GTF2F2: variants seen among roughly 807,000 people sequenced by gnomAD.
The protein encoded by GTF2F2 is general transcription factor IIF subunit 2, also known as ATP-dependent helicase GTF2F2.
A neutral mutation model predicts 42.2 loss-of-function variants in GTF2F2; 23 were observed. The ratio of observed to expected loss-of-function variants is 0.55; its 90% CI spans 0.39 to 0.77. The LOEUF is 0.77. GTF2F2 is among the 30% of genes least tolerant of loss of function. GTF2F2 has a pLI of 0.00. For missense variants in GTF2F2, 261 were observed against 287.2 expected (o/e 0.91, Z 0.66); for synonymous variants, 105 against 100.8 (o/e 1.04, Z -0.25).
rs1349018022 is a variant in GTF2F2, at chr13:45,151,832, G to T, written c.304+1G>T. 7.0e-7 allele frequency: 1 copy of T among 1,424,962 alleles called. No homozygotes were observed. Among genetic ancestry groups the T allele is most frequent in the Non-Finnish European group, 9.4e-7 (1 of 1,063,776 alleles). 88.3% of individuals were successfully genotyped at this position (1,424,962 alleles called of 1,614,324 possible). On this transcript the variant is annotated splice_donor_variant, in intron 4 of 7. Transcript: ENST00000340473. LOFTEE classifies it high-confidence loss of function. ...ACAGTATTTACTGAGAGCTCATCAG[G>T]TAAGTGGGAATGGAATTATTTAATG...
intron 5 of GTF2F2, among the ~76,000 whole-genome samples, chr13:45,224,703 G>A (rs1055137732): frequency 2.7e-4 from 41 of 152,270 alleles, no homozygotes; most frequent in African/African-American, 9.9e-4. Context: ...CTTTCCAAGT[G>A]TTTTGCTGTG....
intron 4 of GTF2F2, among the ~76,000 whole-genome samples, chr13:45,201,946 T>C (rs115788022): frequency 0.011 from 1,624 of 152,144 alleles, 35 homozygotes; most frequent in African/African-American, 0.037. Context: ...AGCCCCTTAG[T>C]TGAACATTTC....
At chr13:45,153,176 A>ATT (rs563596862) in intron 4 of GTF2F2, among the ~76,000 whole-genome samples, 1 of 141,692 alleles carries the variant, frequency 7.1e-6, no homozygotes, top group Non-Finnish European at 1.6e-5. Flanking sequence ...TGCCCGGCTA[A>ATT]TTTTTTTTTT....
intron 6 of GTF2F2, among the ~76,000 whole-genome samples, chr13:45,261,330 G>A (rs548051237): frequency 1.3e-5 from 2 of 151,062 alleles, no homozygotes; most frequent in African/African-American, 2.4e-5. Flanking sequence ...GGAGGCTGAG[G>A]CAGGAGAATC....
intron 5 of GTF2F2, among the ~76,000 whole-genome samples, chr13:45,211,839 G>A (rs1378893032): frequency 3.3e-5 from 5 of 152,010 alleles, no homozygotes; most frequent in African/African-American, 7.3e-5. Flanking sequence ...GCCCACCTCG[G>A]CCTCCCAAAG....
chr13:45,170,903 G>A (rs527873572), intron 4 of GTF2F2, among the ~76,000 whole-genome samples: 1 of 152,018 alleles, frequency 6.6e-6, no homozygotes, highest in Admixed American at 6.6e-5. Flanking sequence ...ATACTGGGAG[G>A]GTAGCAGAGA....
intron 5 of GTF2F2, among the ~76,000 whole-genome samples, chr13:45,241,024 G>A (rs1875273444): frequency 1.3e-5 from 2 of 150,348 alleles, no homozygotes; most frequent in Admixed American, 6.6e-5. Flanking sequence ...GTGGTGGCAT[G>A]CATCTTTTAT....
At chr13:45,172,161 C>T (rs1871629420) in intron 4 of GTF2F2, among the ~76,000 whole-genome samples, 1 of 152,138 alleles carries the variant, frequency 6.6e-6, no homozygotes, top group Admixed American at 6.6e-5. Flanking sequence ...CACCACATCC[C>T]CACCAACACT....
chr13:45,270,537 A>G lies in GTF2F2; in HGVS notation c.630+3161A>G, dbSNP rs976686135. On this transcript the variant is annotated intron_variant, in intron 7 of 7. Coordinates refer to ENST00000340473, the MANE Select transcript of GTF2F2 (RefSeq NM_004128.3). ...TTATAAAGCCACCAATTTCACTCCC[A>G]TGATAACCCATTAATCTATGAATGG... Among the ~76,000 whole-genome samples the G allele has an allele frequency of 1.4e-4, 21 of 152,244 alleles. No individual in the cohort carries two copies. The Middle Eastern group carries it at 0.01, about 74-fold the overall frequency.
At chr13:45,177,520 C>A (rs1871940997) in intron 4 of GTF2F2, among the ~76,000 whole-genome samples, 1 of 152,150 alleles carries the variant, frequency 6.6e-6, no homozygotes, top group South Asian at 2.1e-4. Flanking sequence ...CATACCCATG[C>A]TGTATATGCT....
intron 7 of GTF2F2, among the ~76,000 whole-genome samples, chr13:45,278,188 G>A (rs968661027): frequency 6.6e-6 from 1 of 152,200 alleles, no homozygotes; most frequent in African/African-American, 2.4e-5. Context: ...ATAGGCTACT[G>A]TGCCTTATGA....
intron 4 of GTF2F2, among the ~76,000 whole-genome samples, chr13:45,206,063 T>G (rs1032964223): frequency 6.6e-6 from 1 of 152,236 alleles, no homozygotes; most frequent in African/African-American, 2.4e-5. Context: ...GAATTTAAAC[T>G]TTATTATAAA....
intron 7 of GTF2F2, among the ~76,000 whole-genome samples, chr13:45,270,966 A>G (rs1056290872): frequency 1.4e-4 from 22 of 152,196 alleles, no homozygotes; most frequent in African/African-American, 5.3e-4. Flanking sequence ...GTTCCTGTAC[A>G]GCATACTTGT....
intron 4 of GTF2F2, among the ~76,000 whole-genome samples, chr13:45,187,589 C>T (rs955620442): frequency 6.6e-6 from 1 of 152,100 alleles, no homozygotes; most frequent in Non-Finnish European, 1.5e-5. Flanking sequence ...AGCCTATTTT[C>T]CTTTACCGCC....
chr13:45,224,111 A>G (rs899073070), intron 5 of GTF2F2, among the ~76,000 whole-genome samples: 9 of 152,060 alleles, frequency 5.9e-5, no homozygotes, highest in African/African-American at 1.9e-4. Context: ...TTTTTTGATT[A>G]TATGGCAAAT....
At chr13:45,125,946 C>G (rs906942347) in intron 1 of GTF2F2, among the ~76,000 whole-genome samples, 1 of 152,182 alleles carries the variant, frequency 6.6e-6, no homozygotes, top group Non-Finnish European at 1.5e-5. Context: ...CCCAGCCAGT[C>G]AGTGGATATG....
At chr13:45,179,509 A>G (rs1184348470) in intron 4 of GTF2F2, among the ~76,000 whole-genome samples, 2 of 152,198 alleles carry the variant, frequency 1.3e-5, no homozygotes, top group African/African-American at 4.8e-5. Flanking sequence ...TTTCCTTCTT[A>G]TCACTGCCCT....
At chr13:45,143,760 T>G (rs1338901315) in intron 2 of GTF2F2, among the ~76,000 whole-genome samples, 2 of 152,162 alleles carry the variant, frequency 1.3e-5, no homozygotes, top group East Asian at 3.8e-4. Flanking sequence ...ATGCAGCTCT[T>G]CCTGAATTTG....
Position 45,151,700 on chromosome 13 carries a change from T to C in GTF2F2, c.173T>C (p.Leu58Ser). ...TQGRTEVSFT[L>S]NEDLANIHDI... ...TGTGTCTATTAGGTGTCATTTACTT[T>C]GAATGAGGATCTTGCAAATATTCAT... The change falls in exon 4 of 8, where the codon TTG (leucine) becomes TCG (serine). Residue 58 changes from leucine to serine, a missense_variant. Coordinates refer to ENST00000340473, the MANE Select transcript of GTF2F2 (RefSeq NM_004128.3). The C allele has an allele frequency of 6.2e-7, 1 of 1,605,994 alleles. No homozygotes were observed. Among genetic ancestry groups the C allele is most frequent in the South Asian group, 1.1e-5 (1 of 90,678 alleles).
Sources: allele counts gnomAD v4.1 joint callset (sites outside exome capture counted in the v4.1 genomes callset), GRCh38; gene constraint gnomAD v4.1.1; transcripts MANE v1.5; gene names NCBI Gene and HGNC (gene_info 2026-07-23, HGNC 2026-07-21).